Variants in SYN3 observed in about 807,000 individuals in gnomAD.
SYN3 encodes synapsin-3.
A neutral mutation model predicts 65.8 loss-of-function variants in SYN3; 35 were observed. That is an observed-to-expected ratio of 0.53 (90% CI 0.41 to 0.70). The LOEUF is 0.70. Among genes scored for constraint, SYN3 ranks in the 30% least tolerant of loss-of-function variants. The probability of loss-of-function intolerance (pLI) is 0.00; values close to 1 mark genes in which losing one functional copy is unlikely to be tolerated. For synonymous variants in SYN3, 270 were observed against 292.9 expected (o/e 0.92, Z 0.80); for missense variants, 680 against 749.0 (o/e 0.91, Z 1.08).
At position 32,509,522 on chromosome 22, in the gene SYN3, C is replaced by T. The variant is rs1286712336; in HGVS notation, c.*4170G>A. Among the ~76,000 whole-genome samples the T allele has an allele frequency of 6.6e-6, 1 of 151,876 alleles. No homozygotes were observed. The highest frequency in any genetic ancestry group is 2.4e-5 in the African/African-American group (1 of 41,310). ...AGGGTCGCCATGAGACCTATGTGTC[C>T]TTGGTTCCTATGTTCATACACAGAC... On this transcript the variant is annotated 3_prime_UTR_variant, in exon 14 of 14. Coordinates refer to ENST00000358763, the MANE Select transcript of SYN3 (RefSeq NM_003490.4).
intron 3 of SYN3, among the ~76,000 whole-genome samples, chr22:32,959,497 G>A (rs1337795666): frequency 6.6e-6 from 1 of 151,876 alleles, no homozygotes; most frequent in Non-Finnish European, 1.5e-5. Context: ...GTTGCAGTGA[G>A]CCAAGATTGC....
chr22:32,949,169 T>C (rs772383314), intron 3 of SYN3, among the ~76,000 whole-genome samples: 1 of 152,136 alleles, frequency 6.6e-6, no homozygotes, highest in Admixed American at 6.5e-5. Flanking sequence ...TCCCAGTATC[T>C]TGGGAGGCCA....
At chr22:32,784,080 G>A (rs1327535829) in intron 6 of SYN3, among the ~76,000 whole-genome samples, 1 of 152,198 alleles carries the variant, frequency 6.6e-6, no homozygotes, top group Non-Finnish European at 1.5e-5. Flanking sequence ...CTTTGCAAGT[G>A]CTTCCAACTA....
chr22:33,053,411 C>T (rs566240196), intron 1 of SYN3, among the ~76,000 whole-genome samples: 5 of 152,134 alleles, frequency 3.3e-5, no homozygotes, highest in African/African-American at 9.6e-5. Context: ...CACAACAGAG[C>T]GAGACTCCGT....
chr22:32,976,078 G>C (rs2052176377), intron 3 of SYN3, among the ~76,000 whole-genome samples: 1 of 152,132 alleles, frequency 6.6e-6, no homozygotes, highest in South Asian at 2.1e-4. Flanking sequence ...ATTTTAAGGG[G>C]AATATCTCAT....
At chr22:32,789,878 G>A (rs2046280047) in intron 6 of SYN3, among the ~76,000 whole-genome samples, 1 of 152,198 alleles carries the variant, frequency 6.6e-6, no homozygotes, top group African/African-American at 2.4e-5. Context: ...AGCTTGGGTG[G>A]GAGGAAAGGC....
At chr22:32,983,284 T>TG (rs1413507181) in intron 2 of SYN3, among the ~76,000 whole-genome samples, 1 of 152,196 alleles carries the variant, frequency 6.6e-6, no homozygotes, top group Non-Finnish European at 1.5e-5. Flanking sequence ...GCCACATGAT[T>TG]TATTTCTAAT....
At chr22:32,654,372 C>T (rs1304552483) in intron 6 of SYN3, among the ~76,000 whole-genome samples, 5 of 152,224 alleles carry the variant, frequency 3.3e-5, no homozygotes, top group African/African-American at 1.2e-4. Flanking sequence ...GATTGTAAAA[C>T]ATAAATCTGT....
At chr22:32,537,713 G>A (rs1678552254) in intron 9 of SYN3, among the ~76,000 whole-genome samples, 1 of 152,180 alleles carries the variant, frequency 6.6e-6, no homozygotes, top group Non-Finnish European at 1.5e-5. Context: ...ATAGCAGCTG[G>A]TCAGGGCTGG....
chr22:32,988,560 C>T (rs2052604490), intron 2 of SYN3, among the ~76,000 whole-genome samples: 1 of 151,964 alleles, frequency 6.6e-6, no homozygotes, highest in African/African-American at 2.4e-5. Flanking sequence ...AGCTCTTGGT[C>T]TCAGGGGGCT....
intron 2 of SYN3, among the ~76,000 whole-genome samples, chr22:33,003,227 G>T (rs574833999): frequency 6.6e-6 from 1 of 152,344 alleles, no homozygotes; most frequent in Non-Finnish European, 1.5e-5. Context: ...AGAGTGGGAT[G>T]CTTCTGTAAA....
chr22:32,899,792 G>C lies in SYN3; in HGVS notation c.462-30667C>G, dbSNP rs1329629960. Among the ~76,000 whole-genome samples, 2 of 24,602 alleles carry C rather than the reference G, an allele frequency of 8.1e-5. 1 individual carries two copies. Among genetic ancestry groups the C allele is most frequent in the Non-Finnish European group, 1.5e-4 (2 of 13,198 alleles). 16.1% of individuals were successfully genotyped at this position (24,602 alleles called of 152,430 possible). ...ACAGTTAAAACAAGGAAGTCGGCCGGGCGCGGTGGCTCACGCCTGTAATCC... is the reference window on the plus strand; with the variant it reads ...ACAGTTAAAACAAGGAAGTCGGCCGCGCGCGGTGGCTCACGCCTGTAATCC... On this transcript the variant is annotated intron_variant, in intron 4 of 13. Transcript: ENST00000358763.
chr22:32,657,325 A>G (rs1297749792), intron 6 of SYN3, among the ~76,000 whole-genome samples: 6 of 151,816 alleles, frequency 4.0e-5, no homozygotes, highest in Non-Finnish European at 7.4e-5. Flanking sequence ...GGGTTTCACC[A>G]TGTTAGCCAG....
At chr22:32,695,681 C>G (rs1278173365) in intron 6 of SYN3, among the ~76,000 whole-genome samples, 1 of 152,200 alleles carries the variant, frequency 6.6e-6, no homozygotes, top group Admixed American at 6.5e-5. Context: ...TCCACCTCAC[C>G]TCTAAGACAT....
intron 6 of SYN3, among the ~76,000 whole-genome samples, chr22:32,803,382 C>T (rs967441982): frequency 1.3e-5 from 2 of 151,578 alleles, no homozygotes; most frequent in African/African-American, 4.9e-5. Context: ...CCGGGAGGGG[C>T]ACTGCTGGTG....
chr22:32,565,011 C>T (rs536828378), intron 7 of SYN3, among the ~76,000 whole-genome samples: 1 of 151,152 alleles, frequency 6.6e-6, no homozygotes, highest in Non-Finnish European at 1.5e-5. Flanking sequence ...CCGGACTGCA[C>T]CCAAACAGTG....
At chr22:32,917,497 C>T (rs2050215763) in intron 4 of SYN3, among the ~76,000 whole-genome samples, 1 of 152,130 alleles carries the variant, frequency 6.6e-6, no homozygotes, top group Non-Finnish European at 1.5e-5. Flanking sequence ...GCCAGGATGC[C>T]AAGGCCAAAA....
intron 6 of SYN3, among the ~76,000 whole-genome samples, chr22:32,749,691 C>T (rs1486708596): frequency 6.6e-6 from 1 of 152,140 alleles, no homozygotes; most frequent in Non-Finnish European, 1.5e-5. Context: ...GTAGGGGGGA[C>T]ACAAACATTC....
At chr22:32,817,154 G>C (rs2047108144) in intron 6 of SYN3, among the ~76,000 whole-genome samples, 3 of 151,904 alleles carry the variant, frequency 2.0e-5, no homozygotes, top group African/African-American at 7.3e-5. Flanking sequence ...CGAGGTTGAG[G>C]CTGCAGTGAG....
Sources: gnomAD v4.1 joint callset for allele counts (sites outside exome capture counted in the v4.1 genomes callset) on GRCh38, gnomAD v4.1.1 for gene constraint, MANE v1.5 for transcripts, NCBI Gene and HGNC (gene_info 2026-07-23, HGNC 2026-07-21) for gene names.